Variants in FSTL5 observed in about 807,000 individuals in gnomAD.
FSTL5 encodes follistatin-related protein 5.
FSTL5 carries 62 observed loss-of-function variants against 89.1 expected under a neutral mutation model. The ratio of observed to expected loss-of-function variants is 0.70; its 90% CI spans 0.57 to 0.86. The LOEUF is 0.86. FSTL5 is among the 40% of genes least tolerant of loss of function. FSTL5 has a pLI of 0.00. For missense variants in FSTL5, 1,057 were observed against 1,001.6 expected (o/e 1.06, Z -0.75); for synonymous variants, 383 against 346.2 (o/e 1.11, Z -1.18).
At chr4:162,157,868 C>A (rs995243831) in intron 1 of FSTL5, among the ~76,000 whole-genome samples, 6 of 152,010 alleles carry the variant, frequency 3.9e-5, no homozygotes, top group Non-Finnish European at 7.4e-5. Flanking sequence ...TTCTCAGTCA[C>A]CCTAAATGCT....
chr4:162,109,730 T>C (rs1163363699), intron 2 of FSTL5, among the ~76,000 whole-genome samples: 1 of 152,064 alleles, frequency 6.6e-6, no homozygotes, highest in Non-Finnish European at 1.5e-5. Flanking sequence ...AGCATCATCA[T>C]GCATTCATTT....
chr4:162,083,605 AAT>A (rs1233046703), intron 2 of FSTL5, among the ~76,000 whole-genome samples: 1 of 151,822 alleles, frequency 6.6e-6, no homozygotes, highest in Non-Finnish European at 1.5e-5. Flanking sequence ...TTCAACTGAA[AAT>A]ATATAATTTT....
chr4:161,769,177 A>C (rs2126798278), intron 5 of FSTL5, among the ~76,000 whole-genome samples: 1 of 152,070 alleles, frequency 6.6e-6, no homozygotes, highest in African/African-American at 2.4e-5. Context: ...AATAACAAGT[A>C]ATGAGATTGA....
At chr4:161,615,295 A>AAAAAAAAAAAAAC (rs1734817059) in intron 7 of FSTL5, among the ~76,000 whole-genome samples, 1 of 88,900 alleles carries the variant, frequency 1.1e-5, no homozygotes, top group Non-Finnish European at 2.5e-5. Flanking sequence ...CTCTGTCTCA[A>AAAAAAAAAAAAAC]AAAAAAAAAA....
intron 4 of FSTL5, among the ~76,000 whole-genome samples, chr4:161,787,883 T>C (rs548700022): frequency 6.6e-6 from 1 of 152,330 alleles, no homozygotes; most frequent in Non-Finnish European, 1.5e-5. Flanking sequence ...GAATAGTTGC[T>C]TTTTCATTAA....
intron 5 of FSTL5, among the ~76,000 whole-genome samples, chr4:161,761,005 G>GCA (rs1740774117): frequency 1.3e-5 from 2 of 152,152 alleles, no homozygotes; most frequent in Non-Finnish European, 2.9e-5. Context: ...TGTAATGTTA[G>GCA]CACATGCAGT....
intron 6 of FSTL5, among the ~76,000 whole-genome samples, chr4:161,686,124 A>C: frequency 6.6e-6 from 1 of 151,122 alleles, no homozygotes; most frequent in Non-Finnish European, 1.5e-5. Flanking sequence ...ATGATGGATT[A>C]ATTTTTTGAT....
intron 2 of FSTL5, among the ~76,000 whole-genome samples, chr4:162,074,618 G>A (rs1373770229): frequency 3.3e-5 from 5 of 151,722 alleles, no homozygotes. Context: ...GCAAGTCTCA[G>A]ATCTTTCTTT....
chr4:161,790,754 G>A (rs1729444347), intron 4 of FSTL5, among the ~76,000 whole-genome samples: 1 of 152,194 alleles, frequency 6.6e-6, no homozygotes, highest in South Asian at 2.1e-4. Flanking sequence ...AGTTTAAATG[G>A]AAATGGTGTC....
Position 161,522,396 on chromosome 4 carries a change from T to C in FSTL5, c.1313-11972A>G, listed in dbSNP as rs73859235. Reference sequence around the variant, plus strand: ...CACACACATGTTTAATTACTGCTCATTCTTGAAAATAAAATGTGGTCAAGC... The same window carrying C: ...CACACACATGTTTAATTACTGCTCACTCTTGAAAATAAAATGTGGTCAAGC... On this transcript the variant is annotated intron_variant, in intron 10 of 15. Transcript: ENST00000306100. Among the ~76,000 whole-genome samples the C allele has an allele frequency of 7.0e-3, 1,059 of 152,242 alleles. 9 individuals carry two copies. Among genetic ancestry groups the C allele is most frequent in the African/African-American group, 0.023 (942 of 41,546 alleles).
At chr4:162,131,815 A>G (rs1485426624) in intron 1 of FSTL5, among the ~76,000 whole-genome samples, 2 of 152,250 alleles carry the variant, frequency 1.3e-5, no homozygotes, top group Non-Finnish European at 2.9e-5. Context: ...TTCCGCAGTC[A>G]TAGACCAGCA....
intron 3 of FSTL5, among the ~76,000 whole-genome samples, chr4:161,983,599 T>C (rs547628376): frequency 3.8e-4 from 58 of 152,272 alleles, no homozygotes; most frequent in African/African-American, 1.4e-3. Flanking sequence ...ATGAAATACG[T>C]GTCTTCCCTT....
At chr4:161,920,267 G>A (rs1733954174) in intron 4 of FSTL5, 137 bp downstream of exon 4, 1 of 755,930 alleles carries the variant, frequency 1.3e-6, no homozygotes, top group East Asian at 2.7e-5. Flanking sequence ...CTGCTACTTA[G>A]TGGAGTACTT....
intron 15 of FSTL5, among the ~76,000 whole-genome samples, chr4:161,439,834 A>G (rs1429361071): frequency 6.6e-6 from 1 of 152,194 alleles, no homozygotes; most frequent in African/African-American, 2.4e-5. Flanking sequence ...TAAGTTATAT[A>G]GACATCAAGT....
chr4:161,933,996 C>T (rs771625073), intron 3 of FSTL5, among the ~76,000 whole-genome samples: 1 of 151,958 alleles, frequency 6.6e-6, no homozygotes, highest in Non-Finnish European at 1.5e-5. Flanking sequence ...TAATAACTAC[C>T]ATTTTTCTAT....
chr4:161,926,409 T>C (rs1157151114), intron 3 of FSTL5, among the ~76,000 whole-genome samples: 3 of 88,388 alleles, frequency 3.4e-5, no homozygotes, highest in Non-Finnish European at 7.5e-5. Context: ...TTTTTTTTGT[T>C]TTGTTTTTTG....
chr4:161,966,894 C>T (rs1051120321), intron 3 of FSTL5, among the ~76,000 whole-genome samples: 3 of 151,984 alleles, frequency 2.0e-5, no homozygotes, highest in Non-Finnish European at 4.4e-5. Context: ...TTCCATCTTT[C>T]TCAAATCATG....
intron 10 of FSTL5, among the ~76,000 whole-genome samples, chr4:161,526,397 G>T (rs1168888743): frequency 6.6e-6 from 1 of 152,102 alleles, no homozygotes; most frequent in Non-Finnish European, 1.5e-5. Context: ...CCAGAGTTGA[G>T]TATTACCATA....
intron 4 of FSTL5, among the ~76,000 whole-genome samples, chr4:161,815,557 G>T: frequency 6.6e-6 from 1 of 151,856 alleles, no homozygotes; most frequent in East Asian, 1.9e-4. Flanking sequence ...TCATAATCCT[G>T]GTAATTTGAG....
Sources: gnomAD v4.1 joint callset for allele counts (sites outside exome capture counted in the v4.1 genomes callset) on GRCh38, gnomAD v4.1.1 for gene constraint, MANE v1.5 for transcripts, NCBI Gene and HGNC (gene_info 2026-07-23, HGNC 2026-07-21) for gene names.